The following TRPV2 variants were observed in gnomAD, a reference collection of about 807,000 sequenced individuals.
TRPV2 encodes the protein transient receptor potential cation channel subfamily V member 2.
In TRPV2, 58 loss-of-function variants were observed where a neutral mutation model predicts 91.0. The observed-to-expected ratio is 0.64, with a 90% CI of 0.52 to 0.79. The LOEUF is 0.79. Among genes scored for constraint, TRPV2 ranks in the 30% least tolerant of loss-of-function variants. The pLI, the probability that TRPV2 is intolerant of heterozygous loss-of-function variation, is 0.00. For synonymous variants in TRPV2, 417 were observed against 414.8 expected, an observed-to-expected ratio of 1.01 and a Z score of -0.06; for missense variants, 807 against 969.6, an observed-to-expected ratio of 0.83 and a Z score of 2.23.
chr17:16,436,848 G>T lies in TRPV2; in HGVS notation c.2254G>T (p.Glu752Ter), dbSNP rs1312100717. ...CAAGGAGGATGAGGATGGTGCCTCT[G>T]AGGAAAACTATGTGCCCGTCCAGCT... ...PPKEDEDGAS[E>*]ENYVPVQLLQ... Residue 752 changes from glutamate to a stop codon, truncating the protein, a stop_gained, in exon 15 of 15, where the codon GAG (glutamate) becomes TAG (stop). Coordinates refer to ENST00000338560, the MANE Select transcript of TRPV2 (RefSeq NM_016113.5). LOFTEE classifies it high-confidence loss of function. The T allele has an allele frequency of 6.2e-7, 1 of 1,614,158 alleles. No homozygotes were observed. Among genetic ancestry groups the T allele is most frequent in the Non-Finnish European group, 8.5e-7 (1 of 1,180,004 alleles).
In TRPV2 at chr17:16,426,757, C is replaced by T. The variant is rs1366879255; in HGVS notation, c.1131C>T (p.Asn377=). The T allele has an allele frequency of 1.2e-6, 2 of 1,613,944 alleles. No homozygotes were observed. Among genetic ancestry groups the T allele is most frequent in the Non-Finnish European group, 1.7e-6 (2 of 1,179,994 alleles). ...RHRMVVLEPL[N]KLLQAKWDLL... is the part of the protein sequence containing the mutation. The stretch of plus-strand genomic sequence containing the variant: ...GAATGGTCGTTTTGGAGCCCCTGAA[C>T]AAACTGCTGCAGGCGAAATGGGATC... Residue 377 remains asparagine, a synonymous_variant, in exon 7 of 15, where the codon AAC becomes AAT. Coordinates refer to ENST00000338560, the MANE Select transcript of TRPV2 (RefSeq NM_016113.5). This position sits in a 1 kb window ranked among gnomAD's most constrained non-coding sequence, Gnocchi z 6.0.
intron 11 of TRPV2, 38 bp from the exon 12 acceptor site, chr17:16,431,928 T>A: frequency 6.2e-7 from 1 of 1,611,708 alleles, no homozygotes; most frequent in Non-Finnish European, 8.5e-7. Context: ...TGCCCACCGG[T>A]CTCCTGGGCT....
chr17:16,428,057 G>A (rs2093392280), intron 8 of TRPV2, among the ~76,000 whole-genome samples: 1 of 152,152 alleles, frequency 6.6e-6, no homozygotes, highest in South Asian at 2.1e-4. Context: ...CCAGGGAGAA[G>A]GGAAGGGAAA....
rs764531289 is a variant in TRPV2, at chr17:16,420,212, A to C, written c.298A>C (p.Lys100Gln). Residue 100 changes from lysine (K) to glutamine (Q), a missense_variant, in exon 3 of 15, where the codon AAG (lysine) becomes CAG (glutamine). Coordinates refer to ENST00000338560, the MANE Select transcript of TRPV2 (RefSeq NM_016113.5). ...DLAGLPEYLSKTSKYLTDSEY... is the reference protein window; with the variant it reads ...DLAGLPEYLSQTSKYLTDSEY... ...GGCTGGACTTCCAGAGTACCTGAGCAAGACCAGCAAGTACCTCACCGACTC... is the reference window on the plus strand; with the variant it reads ...GGCTGGACTTCCAGAGTACCTGAGCCAGACCAGCAAGTACCTCACCGACTC... The C allele has an allele frequency of 6.8e-6, 11 of 1,614,100 alleles. No individual in the cohort carries two copies. The highest frequency in any genetic ancestry group is 8.5e-6 in the Non-Finnish European group (10 of 1,179,936).
intron 9 of TRPV2, 52 bp from the exon 10 acceptor site, chr17:16,428,765 G>A (rs1350457936): frequency 7.5e-6 from 12 of 1,608,394 alleles, no homozygotes; most frequent in African/African-American, 2.7e-5. Flanking sequence ...GCCAGTGGGG[G>A]CTCAGGGAGC....
intron 4 of TRPV2, 135 bp downstream of exon 4, chr17:16,423,024 A>G: frequency 9.0e-7 from 1 of 1,108,478 alleles, no homozygotes; most frequent in East Asian, 2.6e-5. Context: ...TCTAACCACT[A>G]GGCTGCCTGC....
At chr17:16,427,060 T>G (rs900450199) in intron 7 of TRPV2, among the ~76,000 whole-genome samples, 183 bp downstream of exon 7, 1 of 152,162 alleles carries the variant, frequency 6.6e-6, no homozygotes, top group Non-Finnish European at 1.5e-5. Flanking sequence ...GCTCACTGTA[T>G]GTGAAAAAGG....
chr17:16,420,231 C>A lies in TRPV2; in HGVS notation c.317C>A (p.Thr106Asn). The A allele has an allele frequency of 1.9e-6, 3 of 1,613,868 alleles. No individual in the cohort carries two copies. The highest frequency in any genetic ancestry group is 2.5e-6 in the Non-Finnish European group (3 of 1,179,772). The change falls in exon 3 of 15, where the codon ACC becomes AAC. Residue 106 changes from threonine (T) to asparagine (N), a missense_variant. Coordinates refer to ENST00000338560, the MANE Select transcript of TRPV2 (RefSeq NM_016113.5). Reference protein sequence around the residue: ...EYLSKTSKYLTDSEYTEGSTG... With the variant: ...EYLSKTSKYLNDSEYTEGSTG... Reference sequence around the variant, plus strand: ...CTGAGCAAGACCAGCAAGTACCTCACCGACTCGGAATACACAGGTAGACCC... The same window carrying A: ...CTGAGCAAGACCAGCAAGTACCTCAACGACTCGGAATACACAGGTAGACCC...
At chr17:16,418,300 C>T (rs565857860) in intron 2 of TRPV2, among the ~76,000 whole-genome samples, 12 of 152,272 alleles carry the variant, frequency 7.9e-5, no homozygotes, top group African/African-American at 2.2e-4. Flanking sequence ...ACTCAGGGGA[C>T]GTGAACTGTG....
Position 16,435,552 on chromosome 17 carries a change from C to T in TRPV2, c.2194+583C>T, listed in dbSNP as rs571373937. Among the ~76,000 whole-genome samples, 45 of 152,242 alleles carry T rather than the reference C, an allele frequency of 3.0e-4. No homozygotes were observed. The highest frequency in any genetic ancestry group is 3.4e-3 in the Middle Eastern group (1 of 294). ...CCCTCCTGTCCCCACCCTGCTGCCT[C>T]CACCAAGACTGGTTCCTTCCTCCCA... On this transcript the variant is annotated intron_variant, in intron 14 of 14. Transcript: ENST00000338560. The surrounding 1 kb of genome is among the most constrained non-coding windows in gnomAD (Gnocchi z 4.2).
rs1162397225 is a variant in TRPV2, at chr17:16,426,910, G to C, written c.1251+33G>C. On this transcript the variant is annotated intron_variant, in intron 7 of 14. Coordinates refer to ENST00000338560, the MANE Select transcript of TRPV2 (RefSeq NM_016113.5). The surrounding 1 kb of genome is among the most constrained non-coding windows in gnomAD (Gnocchi z 6.0). ...CGTGAGGTTTGGGGGGGCACATCTT[G>C]GGGGAGGCCTGCTTGAAACAACCCT... is the stretch of plus-strand genomic sequence containing the variant. 1.3e-6 allele frequency: 2 copies of C among 1,598,994 alleles called. No homozygotes were observed. The highest frequency in any genetic ancestry group is 1.7e-6 in the Non-Finnish European group (2 of 1,172,828).
chr17:16,425,952 G>A, intron 5 of TRPV2, 147 bp from the exon 6 acceptor site: 1 of 798,838 alleles, frequency 1.3e-6, no homozygotes, highest in Non-Finnish European at 2.0e-6. Context: ...GACAAACAAG[G>A]ACCTGCGTGT....
At chr17:16,418,573 G>T (rs750397880) in intron 2 of TRPV2, among the ~76,000 whole-genome samples, 1 of 152,018 alleles carries the variant, frequency 6.6e-6, no homozygotes, top group East Asian at 1.9e-4. Context: ...CTTTGGCCTC[G>T]CAGGCTAGAG....
Position 16,426,284 on chromosome 17 carries a change from G to T in TRPV2, c.1095+15G>T, listed in dbSNP as rs898501264. The T allele has an allele frequency of 6.2e-7, 1 of 1,613,812 alleles. No homozygotes were observed. Among genetic ancestry groups the T allele is most frequent in the African/African-American group, 1.3e-5 (1 of 75,044 alleles). On this transcript the variant is annotated intron_variant, in intron 6 of 14. Transcript: ENST00000338560. This position sits in a 1 kb window ranked among gnomAD's most constrained non-coding sequence, Gnocchi z 6.0. Reference sequence around the variant, plus strand: ...GCAAGAGCCCGGTGAGCCCACAGGAGCATGGGTGCACGCAGAGGACCCAGC... The same window carrying T: ...GCAAGAGCCCGGTGAGCCCACAGGATCATGGGTGCACGCAGAGGACCCAGC...
rs34360076 is a variant in TRPV2 at position 16,417,255 on chromosome 17, A to ATTT, written c.-107-289_-107-287dup. Among the ~76,000 whole-genome samples, 43 of 133,804 alleles carry ATTT rather than the reference A, an allele frequency of 3.2e-4. 1 individual carries two copies. The highest frequency in any genetic ancestry group is 4.8e-4 in the African/African-American group (17 of 35,324). 87.8% of individuals were successfully genotyped at this position (133,804 alleles called of 152,430 possible). A position where few individuals can be genotyped will look rare whatever the true frequency, so the allele number is the denominator to read the frequency against. ...ATGAGAAGTAATGGCAAAAACCGCA[A>ATTT]TTTTTTTTTTTTTTTTTTTTGAGAC... On this transcript the variant is annotated intron_variant, in intron 1 of 14. Coordinates refer to ENST00000338560, the MANE Select transcript of TRPV2 (RefSeq NM_016113.5).
intron 4 of TRPV2, 151 bp from the exon 5 acceptor site, chr17:16,423,318 C>A (rs925440530): frequency 1.2e-6 from 1 of 853,626 alleles, no homozygotes; most frequent in Non-Finnish European, 1.7e-6. Flanking sequence ...CAGCAAAAGG[C>A]AGCAGGTTGG....
At position 16,422,898 on chromosome 17, in the gene TRPV2, G is replaced by A. The variant is rs1331820487; in HGVS notation, c.625+9G>A. 1 of 1,555,328 alleles carries A rather than the reference G, an allele frequency of 6.4e-7. No homozygotes were observed. The highest frequency in any genetic ancestry group is 8.7e-7 in the Non-Finnish European group (1 of 1,148,708). ...GACTTGCTTTTATTTCGGTGAGTGA[G>A]CCTTTCTTGGATAAATCGAGGCAAA... On this transcript the variant is annotated intron_variant, in intron 4 of 14. Coordinates refer to ENST00000338560, the MANE Select transcript of TRPV2 (RefSeq NM_016113.5).
chr17:16,424,396 G>A (rs1341588465), intron 5 of TRPV2, among the ~76,000 whole-genome samples: 3 of 151,522 alleles, frequency 2.0e-5, no homozygotes, highest in Non-Finnish European at 2.9e-5. Context: ...TCCTGACCTC[G>A]TGATCCACCC....
At chr17:16,417,185 A>T (rs572072531) in intron 1 of TRPV2, among the ~76,000 whole-genome samples, 39 of 151,840 alleles carry the variant, frequency 2.6e-4, no homozygotes, top group African/African-American at 7.7e-4. Context: ...GCTCCCACAC[A>T]GTGGGTGGAC....
Sources: gnomAD v4.1 joint callset for allele counts (sites outside exome capture counted in the v4.1 genomes callset) on GRCh38, gnomAD v4.1.1 for gene constraint, Gnocchi (gnomAD v3.1) non-coding constraint, MANE v1.5 for transcripts, NCBI Gene and HGNC (gene_info 2026-07-23, HGNC 2026-07-21) for gene names.